The following TRMT2A variants were observed in gnomAD, a reference collection of about 807,000 sequenced individuals.
TRMT2A encodes tRNA (uracil-5-)-methyltransferase homolog A.
Under a neutral mutation model 59.3 loss-of-function variants are expected in TRMT2A, and 60 were observed. The observed-to-expected ratio is 1.01, with a 90% CI of 0.82 to 1.26. TRMT2A has a LOEUF of 1.26. Among genes scored for constraint, TRMT2A ranks in the 50% most tolerant of loss-of-function variants. The pLI, the probability that TRMT2A is intolerant of heterozygous loss-of-function variation, is 0.00. For synonymous variants in TRMT2A, 403 were observed against 353.7 expected, an observed-to-expected ratio of 1.14 and a Z score of -1.56; for missense variants, 863 against 845.2, an observed-to-expected ratio of 1.02 and a Z score of -0.26.
rs1007027977 is a variant in TRMT2A, at chr22:20,112,509, G to A, written c.*54C>T. The A allele has an allele frequency of 3.3e-5, 52 of 1,569,418 alleles. No homozygotes were observed. Among genetic ancestry groups the A allele is most frequent in the Admixed American group, 7.4e-5 (4 of 54,396 alleles). On this transcript the variant is annotated 3_prime_UTR_variant, in exon 12 of 12. Coordinates refer to ENST00000252136, the MANE Select transcript of TRMT2A (RefSeq NM_022727.6). Reference sequence around the variant, plus strand: ...CTGGCCAGCAAGCCATGCCTTCCCCGCCCCTGGGGCCCTGGGAGCCCTTCA... The same window carrying A: ...CTGGCCAGCAAGCCATGCCTTCCCCACCCCTGGGGCCCTGGGAGCCCTTCA...
chr22:20,112,225 C>A lies in TRMT2A; in HGVS notation c.*338G>T, dbSNP rs2049866149. The A allele has an allele frequency of 2.7e-6, 1 of 367,120 alleles. No individual in the cohort carries two copies. Among genetic ancestry groups the A allele is most frequent in the Non-Finnish European group, 4.9e-6 (1 of 202,784 alleles). 22.7% of individuals were successfully genotyped at this position (367,120 alleles called of 1,614,324 possible). On this transcript the variant is annotated 3_prime_UTR_variant, in exon 12 of 12. Transcript: ENST00000252136. ...CCATGCAGAGAGGCTTGCAGAGCTG[C>A]CTAGGCCTAGTTTGGCCCTTTCCCT...
Position 20,114,621 on chromosome 22 carries a change from C to G in TRMT2A, c.1186G>C (p.Asp396His). The G allele has an allele frequency of 1.2e-6, 2 of 1,613,800 alleles. No homozygotes were observed. The highest frequency in any genetic ancestry group is 1.7e-6 in the Non-Finnish European group (2 of 1,180,014). ...ATCCGGAAGGTCAGCCCTAGCAGGT[C>G]CTCGTGGATGCACCGGTCCCCAGCC... ...HVAGDRCIHE[D>H]LLGLTFRISP... is the part of the protein sequence containing the mutation. Residue 396 changes from aspartate (D) to histidine (H), a missense_variant, in exon 7 of 12, where the codon GAC (aspartate) becomes CAC (histidine). By Grantham distance (81) the Asp-to-His change is moderately conservative. Transcript: ENST00000252136.
chr22:20,113,400 T>TGGCCCCCC, intron 9 of TRMT2A, 32 bp downstream of exon 9: 44 of 1,049,372 alleles, frequency 4.2e-5, no homozygotes, highest in Non-Finnish European at 5.5e-5. Context: ...GCTGCCCCCA[T>TGGCCCCCC]CCCCACCCCC....
chr22:20,112,531 T>C lies in TRMT2A; in HGVS notation c.*32A>G. ...CCCGCCCCTGGGGCCCTGGGAGCCC[T>C]TCAGCTCCTGTCCCCATAATGGGTC... is the stretch of plus-strand genomic sequence containing the variant. On this transcript the variant is annotated 3_prime_UTR_variant, in exon 12 of 12. Coordinates refer to ENST00000252136, the MANE Select transcript of TRMT2A (RefSeq NM_022727.6). 1 of 1,604,024 alleles carries C rather than the reference T, an allele frequency of 6.2e-7. No individual in the cohort carries two copies. Among genetic ancestry groups the C allele is most frequent in the Non-Finnish European group, 8.5e-7 (1 of 1,173,860 alleles).
At position 20,116,932 on chromosome 22, in the gene TRMT2A, C is replaced by G. The variant is rs755174019; in HGVS notation, c.-26G>C. The G allele has an allele frequency of 1.3e-6, 2 of 1,584,780 alleles. No individual in the cohort carries two copies. The highest frequency in any genetic ancestry group is 1.7e-6 in the Non-Finnish European group (2 of 1,165,174). On this transcript the variant is annotated 5_prime_UTR_variant, in exon 1 of 12. Coordinates refer to ENST00000252136, the MANE Select transcript of TRMT2A (RefSeq NM_022727.6). ...CGCCCAGGCGGTTCTCCGCCTAGACCAGGGACGCCATGGGGGCCGCCTGGC... is the reference window on the plus strand; with the variant it reads ...CGCCCAGGCGGTTCTCCGCCTAGACGAGGGACGCCATGGGGGCCGCCTGGC...
chr22:20,115,994 G>A (rs368959954), intron 2 of TRMT2A, 44 bp downstream of exon 2: 68 of 1,517,630 alleles, frequency 4.5e-5, no homozygotes, highest in Non-Finnish European at 5.4e-5. Flanking sequence ...AGCACAGGCC[G>A]GGCAGAGCCC....
intron 7 of TRMT2A, among the ~76,000 whole-genome samples, chr22:20,114,301 T>A (rs1025047272): frequency 6.6e-6 from 1 of 152,180 alleles, no homozygotes; most frequent in Non-Finnish European, 1.5e-5. Flanking sequence ...ATGGCCTCCC[T>A]CCTGCCGAGC....
In TRMT2A at chr22:20,116,604, C is replaced by G. The variant is rs1365553614; in HGVS notation, c.33G>C (p.Lys11Asn). 1 of 1,539,124 alleles carries G rather than the reference C, an allele frequency of 6.5e-7. No homozygotes were observed. The highest frequency in any genetic ancestry group is 1.4e-5 in the African/African-American group (1 of 72,302). The change falls in exon 2 of 12, where the codon AAG (lysine) becomes AAC (asparagine). Residue 11 changes from lysine (K) to asparagine (N), a missense_variant. Lys to Asn is a moderately conservative substitution (Grantham distance 94, BLOSUM62 0). Transcript: ENST00000252136. Reference sequence around the variant, plus strand: ...TCTCCTGGCCACAGCTCTCCATGGGCTTCGGGCCCTGTGTGGGGACAGATG... The same window carrying G: ...TCTCCTGGCCACAGCTCTCCATGGGGTTCGGGCCCTGTGTGGGGACAGATG... MSENLDNEGPKPMESCGQESS... is the reference protein window; with the variant it reads MSENLDNEGPNPMESCGQESS...
Position 20,116,538 on chromosome 22 carries a change from A to G in TRMT2A, c.99T>C (p.Pro33=), listed in dbSNP as rs1568975699. Residue 33 remains proline (P), a synonymous_variant, in exon 2 of 12, where the codon CCT becomes CCC. Transcript: ENST00000252136. ...ALSCPTVSVP[P]AAPAALEEVE... ...CCTCCTCCAGGGCTGCCGGGGCTGC[A>G]GGGGGCACCGAGACGGTAGGGCAGC... 2 of 1,601,720 alleles carry G rather than the reference A, an allele frequency of 1.2e-6. No individual in the cohort carries two copies. The highest frequency in any genetic ancestry group is 1.7e-6 in the Non-Finnish European group (2 of 1,176,114).
At position 20,117,171 on chromosome 22, in the gene TRMT2A, C is replaced by T. The variant is rs2050053433; in HGVS notation, c.-265G>A. On this transcript the variant is annotated 5_prime_UTR_variant, in exon 1 of 12. Coordinates refer to ENST00000252136, the MANE Select transcript of TRMT2A (RefSeq NM_022727.6). ...GCCAGGGGCCCGCGCCGGCCGCTCG[C>T]TTCGCCAGCCACTCTTAGTCCGCCA... The T allele has an allele frequency of 1.8e-6, 1 of 555,398 alleles. No individual in the cohort carries two copies. Among genetic ancestry groups the T allele is most frequent in the African/African-American group, 2.0e-5 (1 of 49,850 alleles). 34.4% of individuals were successfully genotyped at this position (555,398 alleles called of 1,614,324 possible).
At chr22:20,116,850 C>T in intron 1 of TRMT2A, 33 bp downstream of exon 1, 1 of 1,598,850 alleles carries the variant, frequency 6.3e-7, no homozygotes, top group Non-Finnish European at 8.5e-7. Context: ...CCACCCCATC[C>T]CCGTCTCTAC....
chr22:20,114,895 A>G lies in TRMT2A; in HGVS notation c.1006-19T>C, dbSNP rs2049960894. 6.4e-7 allele frequency: 1 copy of G among 1,574,150 alleles called. No individual in the cohort carries two copies. The highest frequency in any genetic ancestry group is 8.6e-7 in the Non-Finnish European group (1 of 1,161,270). ...TCAGCTTCTGGAGTAAGTGGTGAAAAGTTCCCATCAGGCTGTGCTGAGGCC... is the reference window on the plus strand; with the variant it reads ...TCAGCTTCTGGAGTAAGTGGTGAAAGGTTCCCATCAGGCTGTGCTGAGGCC... On this transcript the variant is annotated intron_variant, in intron 5 of 11. Coordinates refer to ENST00000252136, the MANE Select transcript of TRMT2A (RefSeq NM_022727.6).
At position 20,116,115 on chromosome 22, in the gene TRMT2A, A is replaced by G; in HGVS notation, c.522T>C (p.Pro174=). ...GCTCAGCATAGGGCACTGTCCATAG[A>G]GGGGTCACCACGTCGGCCACTCGTG... ...PVTRVADVVT[P]LWTVPYAEQL... The change falls in exon 2 of 12, where the codon CCT becomes CCC. Residue 174 remains proline (P), a synonymous_variant. Coordinates refer to ENST00000252136, the MANE Select transcript of TRMT2A (RefSeq NM_022727.6). 1 of 1,612,256 alleles carries G rather than the reference A, an allele frequency of 6.2e-7. No homozygotes were observed. The highest frequency in any genetic ancestry group is 8.5e-7 in the Non-Finnish European group (1 of 1,179,288).
rs113349973 is a variant in TRMT2A, at chr22:20,114,832, C to T, written c.1050G>A (p.Ala350=). 21 of 1,607,010 alleles carry T rather than the reference C, an allele frequency of 1.3e-5. No individual in the cohort carries two copies. Among genetic ancestry groups the T allele is most frequent in the African/African-American group, 8.0e-5 (6 of 74,768 alleles). Residue 350 remains alanine, a synonymous_variant, in exon 6 of 12, where the codon GCG becomes GCA. Transcript: ENST00000252136. ...EELAELKTSL[A]QHFTAGPGRA... ...TGCCTGGCCCTGCTGTGAAGTGCTG[C>T]GCTAGGGAGGTCTTCAGCTCTGCCA...
intron 10 of TRMT2A, 32 bp downstream of exon 10, chr22:20,113,086 C>A: frequency 6.2e-7 from 1 of 1,610,228 alleles, no homozygotes; most frequent in Non-Finnish European, 8.5e-7. Flanking sequence ...GTCCTCGTTC[C>A]CGTGCCACCT....
At chr22:20,113,400 T>TGCCCCCCCCCCCCCCCCCC in intron 9 of TRMT2A, 32 bp downstream of exon 9, 1 of 1,049,432 alleles carries the variant, frequency 9.5e-7, no homozygotes, top group Non-Finnish European at 1.4e-6. Flanking sequence ...GCTGCCCCCA[T>TGCCCCCCCCCCCCCCCCCC]CCCCACCCCC....
At position 20,116,971 on chromosome 22, in the gene TRMT2A, G is replaced by T; in HGVS notation, c.-65C>A. 6.6e-7 allele frequency: 1 copy of T among 1,512,004 alleles called. No homozygotes were observed. The highest frequency in any genetic ancestry group is 1.2e-5 in the South Asian group (1 of 82,792). 93.7% of individuals were successfully genotyped at this position (1,512,004 alleles called of 1,614,324 possible). Reference sequence around the variant, plus strand: ...GGGCCGCCTGGCCACCTCGTCCTGGGCCTGTCACAAGGGAAGTGGCCTGTC... The same window carrying T: ...GGGCCGCCTGGCCACCTCGTCCTGGTCCTGTCACAAGGGAAGTGGCCTGTC... On this transcript the variant is annotated 5_prime_UTR_variant, in exon 1 of 12. Transcript: ENST00000252136.
In TRMT2A at chr22:20,116,172, C is replaced by T; in HGVS notation, c.465G>A (p.Arg155=). 2 of 1,613,118 alleles carry T rather than the reference C, an allele frequency of 1.2e-6. No homozygotes were observed. The highest frequency in any genetic ancestry group is 1.7e-6 in the Non-Finnish European group (2 of 1,179,964). Residue 155 remains arginine (R), a synonymous_variant, in exon 2 of 12, where the codon AGG becomes AGA. Coordinates refer to ENST00000252136, the MANE Select transcript of TRMT2A (RefSeq NM_022727.6). The stretch of plus-strand genomic sequence containing the variant: ...GTGGCTCACTCTCACCCTCCTGTCG[C>T]CTCCTCCTGGCCATGGGGTCGGCCT... ...RPKADPMARR[R]RQEGESEPPV... is the part of the protein sequence containing the mutation.
chr22:20,115,380 C>T lies in TRMT2A; in HGVS notation c.776G>A (p.Gly259Asp), dbSNP rs2049978390. 3.7e-6 allele frequency: 6 copies of T among 1,612,824 alleles called. No individual in the cohort carries two copies. The highest frequency in any genetic ancestry group is 4.2e-6 in the Non-Finnish European group (5 of 1,179,998). The change falls in exon 4 of 12, where the codon GGC becomes GAC. Residue 259 changes from glycine (G) to aspartate (D), a missense_variant. By Grantham distance (94) the Gly-to-Asp change is moderately conservative (BLOSUM62 -1). Transcript: ENST00000252136. ...VGVDGEDNTV[G>D]CRLGKYKGGT... Reference sequence around the variant, plus strand: ...GCCCTTGTACTTGCCGAGCCGACAGCCCACGGTGTTATCCTCCCCATCCAC... The same window carrying T: ...GCCCTTGTACTTGCCGAGCCGACAGTCCACGGTGTTATCCTCCCCATCCAC...
Sources: gnomAD v4.1 joint callset for allele counts (sites outside exome capture counted in the v4.1 genomes callset) on GRCh38, gnomAD v4.1.1 for gene constraint, MANE v1.5 for transcripts, NCBI Gene and HGNC (gene_info 2026-07-23, HGNC 2026-07-21) for gene names.